MEIG1: variants seen among roughly 807,000 people sequenced by gnomAD.
MEIG1 encodes meiosis/spermiogenesis associated 1.
Under a neutral mutation model 11.3 loss-of-function variants are expected in MEIG1, and 12 were observed. The observed-to-expected ratio is 1.07, with a 90% CI of 0.68 to 1.73. The LOEUF is 1.73. Ranked by LOEUF, MEIG1 falls within the 40% of genes most tolerant of loss-of-function variation. The probability of loss-of-function intolerance (pLI) is 0.00; values close to 1 mark genes in which losing one functional copy is unlikely to be tolerated. For missense variants in MEIG1, 119 were observed against 104.9 expected (o/e 1.13, Z -0.59); for synonymous variants, 41 against 33.2 (o/e 1.24, Z -0.81).
At chr10:14,956,608 C>T (rs373252205), upstream of MEIG1, among the ~76,000 whole-genome samples, 17 of 152,104 alleles carry the variant, frequency 1.1e-4, no homozygotes, top group African/African-American at 4.1e-4. Context: ...CAAAAAAACA[C>T]AACACTCAAG....
At chr10:14,958,100 T>C (rs1001173206), upstream of MEIG1, among the ~76,000 whole-genome samples, 3 of 152,196 alleles carry the variant, frequency 2.0e-5, no homozygotes, top group African/African-American at 7.2e-5. Context: ...GTTGCATTGA[T>C]GGATATGGAA....
At position 14,966,505 on chromosome 10, in the gene MEIG1, C is replaced by A; in HGVS notation, c.37C>A (p.His13Asn). The change falls in exon 2 of 3, where the codon CAT (histidine) becomes AAT (asparagine). Residue 13 changes from histidine to asparagine, a missense_variant. Physicochemically the swap from His to Asn is moderately conservative, Grantham distance 68. Transcript: ENST00000407572. The stretch of plus-strand genomic sequence containing the variant: ...TGACGTAAAACCAAAATCAGTAAGT[C>A]ATGCCAAAAAATGGTCAGAAGAGAT... ...SSDVKPKSVS[H>N]AKKWSEEIEN... The A allele has an allele frequency of 6.2e-7, 1 of 1,611,572 alleles. No homozygotes were observed. Among genetic ancestry groups the A allele is most frequent in the South Asian group, 1.1e-5 (1 of 90,290 alleles).
downstream of MEIG1, among the ~76,000 whole-genome samples, chr10:14,976,357 T>C (rs1843210098): frequency 6.6e-6 from 1 of 152,178 alleles, no homozygotes; most frequent in Admixed American, 6.5e-5. Flanking sequence ...ATTCCCAGTA[T>C]CCTAGCGGGA....
chr10:14,987,672 T>C (rs1843332692), intron 2 of MEIG1: 1 of 355,836 alleles, frequency 2.8e-6, no homozygotes. Flanking sequence ...GAAAATCCAC[T>C]GAAGAATATC....
chr10:14,986,565 G>A (rs1449607933), intron 1 of MEIG1, among the ~76,000 whole-genome samples: 1 of 151,940 alleles, frequency 6.6e-6, no homozygotes, highest in Non-Finnish European at 1.5e-5. Flanking sequence ...CCTTTTCTTC[G>A]TAGCGTCTGC....
At chr10:14,984,475 G>C (rs895476594) in intron 1 of MEIG1, among the ~76,000 whole-genome samples, 27 of 152,166 alleles carry the variant, frequency 1.8e-4, no homozygotes, top group Non-Finnish European at 3.7e-4. Context: ...TATCCTAGCG[G>C]GACATTAAGA....
downstream of MEIG1, among the ~76,000 whole-genome samples, chr10:14,977,833 C>T (rs568348095): frequency 1.6e-3 from 238 of 147,560 alleles, no homozygotes; most frequent in African/African-American, 5.5e-3. Context: ...TATGATAGCT[C>T]ATATCCTAGG....
At chr10:14,971,582 G>T (rs1464574002) in intron 2 of MEIG1, among the ~76,000 whole-genome samples, 18 of 152,054 alleles carry the variant, frequency 1.2e-4, no homozygotes, top group Admixed American at 1.2e-3. Context: ...TGAAATTGGG[G>T]CAGAAGGAAA....
chr10:14,955,628 G>A (rs1030575818), upstream of MEIG1, among the ~76,000 whole-genome samples: 3 of 152,304 alleles, frequency 2.0e-5, no homozygotes, highest in East Asian at 5.8e-4. Context: ...AACCTGGGAG[G>A]CGGAGGTTGC....
At chr10:14,954,239 C>T in the MEIG1 span, 4 of 658,620 alleles carry the variant, frequency 6.1e-6, no homozygotes, top group South Asian at 1.8e-5. Context: ...TCGCTGCACG[C>T]GATGGGCCCT....
chr10:14,958,417 C>T (rs972875068), upstream of MEIG1, among the ~76,000 whole-genome samples: 2 of 152,134 alleles, frequency 1.3e-5, no homozygotes, highest in Admixed American at 1.3e-4. Flanking sequence ...TTGTTTGGGG[C>T]AGGTGCCCGA....
intron 2 of MEIG1, among the ~76,000 whole-genome samples, chr10:14,969,239 G>A (rs1367080538): frequency 6.6e-6 from 1 of 151,942 alleles, no homozygotes; most frequent in Non-Finnish European, 1.5e-5. Context: ...TTGAGGCCAG[G>A]ATTTTGAGAC....
chr10:14,958,862 C>G (rs1262969718), upstream of MEIG1, among the ~76,000 whole-genome samples: 6 of 152,070 alleles, frequency 3.9e-5, no homozygotes, highest in East Asian at 7.7e-4. Flanking sequence ...CACCACTGCA[C>G]TCCAGCCTGG....
At chr10:14,975,254 G>A (rs1309428341), downstream of MEIG1, among the ~76,000 whole-genome samples, 2 of 151,818 alleles carry the variant, frequency 1.3e-5, no homozygotes, top group African/African-American at 2.4e-5. Flanking sequence ...TCCCAATATC[G>A]CAGGCTGTGT....
At chr10:14,972,477 C>T (rs1843162834) in intron 2 of MEIG1, 36 bp from the exon 3 acceptor site, 1 of 1,612,902 alleles carries the variant, frequency 6.2e-7, no homozygotes, top group African/African-American at 1.3e-5. Context: ...ATCAACCCTC[C>T]ATTGTAACGT....
chr10:14,967,550 G>C (rs1843100766), intron 2 of MEIG1, among the ~76,000 whole-genome samples: 1 of 149,564 alleles, frequency 6.7e-6, no homozygotes. Context: ...TGTCACCCAG[G>C]CTGGAGTGCA....
chr10:14,976,467 G>C (rs1236238714), downstream of MEIG1, among the ~76,000 whole-genome samples: 1 of 151,948 alleles, frequency 6.6e-6, no homozygotes, highest in African/African-American at 2.4e-5. Context: ...TGTTCGCTTT[G>C]ATATTATTCA....
At chr10:14,965,699 A>AGAGAGC (rs1456365972) in intron 1 of MEIG1, among the ~76,000 whole-genome samples, 144 of 99,452 alleles carry the variant, frequency 1.4e-3, no homozygotes, top group African/African-American at 5.0e-3. Context: ...AGAGAGAGAG[A>AGAGAGC]GAGAGAGAGA....
At chr10:14,984,182 G>GA (rs1301613325) in intron 1 of MEIG1, among the ~76,000 whole-genome samples, 1 of 151,860 alleles carries the variant, frequency 6.6e-6, no homozygotes, top group African/African-American at 2.4e-5. Flanking sequence ...GGGGAGAGGG[G>GA]GGTGCTATTA....
Sources: allele counts gnomAD v4.1 joint callset (sites outside exome capture counted in the v4.1 genomes callset), GRCh38; gene constraint gnomAD v4.1.1; transcripts MANE v1.5; gene names NCBI Gene and HGNC (gene_info 2026-07-23, HGNC 2026-07-21).